MCM2: variants seen among roughly 807,000 people sequenced by gnomAD.
MCM2 encodes the protein DNA replication licensing factor MCM2.
A neutral mutation model predicts 86.4 loss-of-function variants in MCM2; 49 were observed. The ratio of observed to expected loss-of-function variants is 0.57; its 90% confidence interval spans 0.45 to 0.72. The LOEUF (loss-of-function observed/expected upper bound fraction) is 0.72. Among genes scored for constraint, MCM2 ranks in the 30% least tolerant of loss-of-function variants. The pLI, the probability that MCM2 is intolerant of heterozygous loss-of-function variation, is 0.00. For synonymous variants in MCM2, 475 were observed against 484.6 expected, an observed-to-expected ratio of 0.98 and a Z score of 0.26; for missense variants, 1,038 against 1,259.9, an observed-to-expected ratio of 0.82 and a Z score of 2.67.
Position 127,614,832 on chromosome 3 carries a change from T to C in MCM2, c.1429-1030T>C, listed in dbSNP as rs112341965. The stretch of plus-strand genomic sequence containing the variant: ...TATTCATGTTGGCTCCTGAGTTCTG[T>C]TGACATGACCCTGGTTGTCTTTGAG... On this transcript the variant is annotated intron_variant, in intron 8 of 15. Transcript: ENST00000265056. 5.1e-3 allele frequency among the ~76,000 whole-genome samples: 782 copies of C among 152,340 alleles called. 6 individuals carry two copies. Among genetic ancestry groups the C allele is most frequent in the African/African-American group, 0.017 (712 of 41,580 alleles).
At chr3:127,608,773 G>A in intron 7 of MCM2, 59 bp from the exon 8 acceptor site, 2 of 1,547,684 alleles carry the variant, frequency 1.3e-6, no homozygotes, top group Non-Finnish European at 1.8e-6. Flanking sequence ...GAGGAAGGCA[G>A]CACGGAGGTG....
At position 127,604,992 on chromosome 3, in the gene MCM2, G is replaced by T. The variant is rs1298650858; in HGVS notation, c.509G>T (p.Ser170Ile). 1 of 1,613,982 alleles carries T rather than the reference G, an allele frequency of 6.2e-7. No individual in the cohort carries two copies. The highest frequency in any genetic ancestry group is 1.1e-5 in the South Asian group (1 of 91,084). Residue 170 changes from serine (S) to isoleucine (I), a missense_variant, in exon 4 of 16, where the codon AGC becomes ATC. Transcript: ENST00000265056. The part of the protein sequence containing the change: ...DGEEDEEMIE[S>I]IENLEDLKGH... ...GAGGAGGACGAGGAGATGATCGAGA[G>T]CATCGAGAACCTGGAGGATCTCAAA...
Position 127,618,128 on chromosome 3 carries a change from C to T in MCM2, c.2013+47C>T, listed in dbSNP as rs750243617. On this transcript the variant is annotated intron_variant, in intron 12 of 15. Coordinates refer to ENST00000265056, the MANE Select transcript of MCM2 (RefSeq NM_004526.4). The surrounding 1 kb of genome is among the most constrained non-coding windows in gnomAD (Gnocchi z 4.0). ...TTTCCATGAACTGTGGTTTGGGGAC[C>T]TCAGGTGAGGCTTGGGGTCATACAG... The T allele has an allele frequency of 7.3e-6, 11 of 1,499,728 alleles. No individual in the cohort carries two copies. In the South Asian group the frequency reaches 1.1e-4, roughly 16 times the overall value. 92.9% of individuals were successfully genotyped at this position (1,499,728 alleles called of 1,614,324 possible).
In MCM2 at chr3:127,617,989, C is replaced by G. The variant is rs2074446357; in HGVS notation, c.1921C>G (p.Leu641Val). ...NPIGGRYDPS[L>V]TFSENVDLTE... ...TTCAGGAGGGCGCTACGACCCCTCGCTGACTTTCTCTGAGAACGTGGACCT... is the reference window on the plus strand; with the variant it reads ...TTCAGGAGGGCGCTACGACCCCTCGGTGACTTTCTCTGAGAACGTGGACCT... Residue 641 changes from leucine (L) to valine (V), a missense_variant, in exon 12 of 16, where the codon CTG (leucine) becomes GTG (valine). By Grantham distance (32) the Leu-to-Val change is conservative. This residue lies in a region of MCM2 where 336 missense variants were observed against 425.7 expected (regional missense o/e 0.79). Transcript: ENST00000265056. The surrounding 1 kb of genome is among the most constrained non-coding windows in gnomAD (Gnocchi z 4.1). 1 of 1,613,902 alleles carries G rather than the reference C, an allele frequency of 6.2e-7. No individual in the cohort carries two copies. The highest frequency in any genetic ancestry group is 2.2e-5 in the East Asian group (1 of 44,882).
Position 127,608,963 on chromosome 3 carries a change from G to A in MCM2, c.1368G>A (p.Leu456=). 1 of 1,614,180 alleles carries A rather than the reference G, an allele frequency of 6.2e-7. No individual in the cohort carries two copies. Among genetic ancestry groups the A allele is most frequent in the African/African-American group, 1.3e-5 (1 of 75,046 alleles). The change falls in exon 8 of 16, where the codon CTG becomes CTA. Residue 456 remains leucine, a synonymous_variant. Coordinates refer to ENST00000265056, the MANE Select transcript of MCM2 (RefSeq NM_004526.4). ...KKDNKVAVGE[L]TDEDVKMITS... Reference sequence around the variant, plus strand: ...ACAACAAGGTTGCTGTAGGGGAACTGACCGATGAAGATGTGAAGATGATCA... The same window carrying A: ...ACAACAAGGTTGCTGTAGGGGAACTAACCGATGAAGATGTGAAGATGATCA...
In MCM2 at chr3:127,619,251, G is replaced by A. The variant is rs1403457564; in HGVS notation, c.2238G>A (p.Met746Ile). ...TGGACCAGGACAAGGTGGCCAAGAT[G>A]TACAGTGACCTGAGGAAAGAATCTA... is the stretch of plus-strand genomic sequence containing the variant. ...NQMDQDKVAKMYSDLRKESMA... is the reference protein window; with the variant it reads ...NQMDQDKVAKIYSDLRKESMA... Residue 746 changes from methionine to isoleucine, a missense_variant, in exon 13 of 16, where the codon ATG becomes ATA. Met to Ile is a conservative substitution (Grantham distance 10). Around this residue, in one of 4 missense-constraint regions of MCM2, gnomAD observed 336 missense variants for 425.7 expected, o/e 0.79. Transcript: ENST00000265056. 1 of 1,614,006 alleles carries A rather than the reference G, an allele frequency of 6.2e-7. No individual in the cohort carries two copies. The highest frequency in any genetic ancestry group is 2.2e-5 in the East Asian group (1 of 44,900).
At chr3:127,611,597 C>T (rs1291254075) in intron 8 of MCM2, among the ~76,000 whole-genome samples, 2 of 151,194 alleles carry the variant, frequency 1.3e-5, no homozygotes, top group Non-Finnish European at 2.9e-5. Flanking sequence ...ACATAGAGCA[C>T]CTTCTCCCTC....
chr3:127,601,800 C>T (rs76260849), intron 2 of MCM2, among the ~76,000 whole-genome samples: 140 of 152,324 alleles, frequency 9.2e-4, no homozygotes, highest in African/African-American at 3.3e-3. Flanking sequence ...GCATTCCCAC[C>T]AGCAACACAT....
At chr3:127,605,742 G>A (rs966308510) in intron 4 of MCM2, among the ~76,000 whole-genome samples, 6 of 152,060 alleles carry the variant, frequency 3.9e-5, no homozygotes, top group Non-Finnish European at 7.4e-5. Context: ...CCCCAGCCAG[G>A]AATTGACTTT....
chr3:127,614,142 TCACAGCCAATCGAGTGTTCTTAATA>T (rs1186825910), intron 8 of MCM2, among the ~76,000 whole-genome samples: 1 of 152,216 alleles, frequency 6.6e-6, no homozygotes, highest in African/African-American at 2.4e-5. Flanking sequence ...GCTGTCATAG[TCACAGCCAATCGAGTGTTCTTAATA>T]CACCACCCAT....
intron 7 of MCM2, 150 bp downstream of exon 7, chr3:127,608,666 G>C: frequency 4.7e-6 from 6 of 1,270,958 alleles, no homozygotes; most frequent in Non-Finnish European, 6.6e-6. Context: ...ACTTTCTTCT[G>C]GTGGATGGGT....
chr3:127,620,970 C>T lies in MCM2; in HGVS notation c.2448+90C>T. 1.9e-6 allele frequency: 3 copies of T among 1,571,418 alleles called. 1 individual carries two copies. In the South Asian group the frequency reaches 3.6e-5, roughly 19 times the overall value. Reference sequence around the variant, plus strand: ...CCAGGGCTCTGGCCTGGACGTGCACCCAGGAGCGGCAGCCTGTCTGACCTG... The same window carrying T: ...CCAGGGCTCTGGCCTGGACGTGCACTCAGGAGCGGCAGCCTGTCTGACCTG... On this transcript the variant is annotated intron_variant, in intron 14 of 15. Transcript: ENST00000265056.
chr3:127,608,803 C>G (rs1317968137), intron 7 of MCM2, 29 bp from the exon 8 acceptor site: 12 of 1,610,996 alleles, frequency 7.4e-6, no homozygotes, highest in East Asian at 6.7e-5. Flanking sequence ...GGGTTAGGCT[C>G]TGACTTCTTG....
intron 2 of MCM2, 103 bp from the exon 3 acceptor site, chr3:127,604,505 G>A: frequency 2.5e-6 from 3 of 1,204,062 alleles, no homozygotes; most frequent in Middle Eastern, 2.9e-4. Context: ...TACCCACAAT[G>A]GGGCTCCTGA....
intron 2 of MCM2, among the ~76,000 whole-genome samples, chr3:127,603,940 A>G (rs1261497498): frequency 1.3e-5 from 2 of 152,166 alleles, no homozygotes; most frequent in Non-Finnish European, 2.9e-5. Flanking sequence ...GATTACAGGC[A>G]TGAGCCACCG....
intron 13 of MCM2, among the ~76,000 whole-genome samples, chr3:127,619,986 A>G (rs2074464482): frequency 6.6e-6 from 1 of 152,232 alleles, no homozygotes; most frequent in South Asian, 2.1e-4. Flanking sequence ...CCTGTTTCAA[A>G]AAAAAAATAT....
Position 127,619,200 on chromosome 3 carries a change from G to A in MCM2, c.2187G>A (p.Glu729=), listed in dbSNP as rs1465187135. ...VLKKYIIYAK[E]RVHPKLNQMD... Reference sequence around the variant, plus strand: ...AGAAGTACATCATCTACGCCAAGGAGAGGGTCCACCCGAAGCTCAACCAGA... The same window carrying A: ...AGAAGTACATCATCTACGCCAAGGAAAGGGTCCACCCGAAGCTCAACCAGA... Residue 729 remains glutamate, a synonymous_variant, in exon 13 of 16, where the codon GAG becomes GAA. Transcript: ENST00000265056. 1.2e-6 allele frequency: 2 copies of A among 1,614,092 alleles called. No homozygotes were observed. Among genetic ancestry groups the A allele is most frequent in the Non-Finnish European group, 8.5e-7 (1 of 1,180,060 alleles).
At chr3:127,621,282 A>G in intron 15 of MCM2, 54 bp downstream of exon 15, 1 of 1,603,432 alleles carries the variant, frequency 6.2e-7, no homozygotes, top group Non-Finnish European at 8.5e-7. Flanking sequence ...GGGAGCTGCC[A>G]GTCTCCTGAT....
rs1482400314 is a variant in MCM2, at chr3:127,617,871, AC to A, written c.1901-97del. ...GTACCCACCTATGTCTTCCTCTTCCACTGCCCTCATCCCCTTCTGCCATCAG... is the reference window on the plus strand; with the variant it reads ...GTACCCACCTATGTCTTCCTCTTCCATGCCCTCATCCCCTTCTGCCATCAG... On this transcript the variant is annotated intron_variant, in intron 11 of 15. Transcript: ENST00000265056. This position sits in a 1 kb window ranked among gnomAD's most constrained non-coding sequence, Gnocchi z 4.1. 2 of 864,122 alleles carry A rather than the reference AC, an allele frequency of 2.3e-6. No homozygotes were observed. Among genetic ancestry groups the A allele is most frequent in the Non-Finnish European group, 3.8e-6 (2 of 532,142 alleles). 53.5% of individuals were successfully genotyped at this position (864,122 alleles called of 1,614,324 possible). A position where few individuals can be genotyped will look rare whatever the true frequency, so the allele number is the denominator to read the frequency against.
Sources: gnomAD v4.1 joint callset for allele counts (sites outside exome capture counted in the v4.1 genomes callset) on GRCh38, gnomAD v4.1.1 for gene constraint, gnomAD v4.1.1 regional missense constraint, Gnocchi (gnomAD v3.1) non-coding constraint, MANE v1.5 for transcripts, NCBI Gene and HGNC (gene_info 2026-07-23, HGNC 2026-07-21) for gene names.